CLEC16A: variants seen among roughly 807,000 people sequenced by gnomAD.
CLEC16A encodes the protein C-type lectin domain containing 16A.
Under a neutral mutation model 109.5 loss-of-function variants are expected in CLEC16A, and 51 were observed. The ratio of observed to expected loss-of-function variants is 0.47; its 90% CI spans 0.37 to 0.59. CLEC16A has a LOEUF of 0.59. CLEC16A is among the 20% of genes least tolerant of loss of function. CLEC16A has a pLI of 0.00. For missense variants in CLEC16A, 1,339 were observed against 1,394.0 expected (o/e 0.96, Z 0.63); for synonymous variants, 673 against 564.2 (o/e 1.19, Z -2.73).
intron 13 of CLEC16A, chr16:11,027,186 T>A: frequency 7.2e-7 from 1 of 1,392,992 alleles, no homozygotes; most frequent in Non-Finnish European, 1.0e-6. Context: ...ACTGGAATCA[T>A]TCCTACATGA....
chr16:11,125,872 A>G, intron 21 of CLEC16A, 107 bp from the exon 22 acceptor site: 3 of 916,464 alleles, frequency 3.3e-6, no homozygotes, highest in South Asian at 1.5e-5. Flanking sequence ...CTCCCAAGTG[A>G]TGTGCCTGGC....
intron 22 of CLEC16A, among the ~76,000 whole-genome samples, chr16:11,147,223 A>G (rs1352213573): frequency 6.6e-6 from 1 of 152,158 alleles, no homozygotes; most frequent in Non-Finnish European, 1.5e-5. Context: ...CCCCTTTGTC[A>G]TCAATTTCCG....
intron 11 of CLEC16A, among the ~76,000 whole-genome samples, chr16:11,005,657 T>A (rs1194666848): frequency 6.6e-6 from 1 of 152,210 alleles, no homozygotes; most frequent in Non-Finnish European, 1.5e-5. Context: ...TTTGCTCTCT[T>A]GATTATTTGT....
chr16:11,015,836 A>G (rs889387713), intron 11 of CLEC16A, among the ~76,000 whole-genome samples: 16 of 152,214 alleles, frequency 1.1e-4, no homozygotes, highest in African/African-American at 3.9e-4. Flanking sequence ...TGTGTCAACC[A>G]AGCAGGGCAG....
rs751893865 is a variant in CLEC16A, at chr16:11,126,130, G to A, written c.2625G>A (p.Ser875=). 5.0e-6 allele frequency: 8 copies of A among 1,613,702 alleles called. No individual in the cohort carries two copies. Among genetic ancestry groups the A allele is most frequent in the South Asian group, 1.1e-5 (1 of 91,068 alleles). The change falls in exon 22 of 24, where the codon TCG becomes TCA. Residue 875 remains serine (S), a synonymous_variant. Transcript: ENST00000409790. ...CAGTGCAGCGCTCCGTGTTTGCATCGGTGGACAAGGTGCCAGGTGAGCCAG... is the reference window on the plus strand; with the variant it reads ...CAGTGCAGCGCTCCGTGTTTGCATCAGTGGACAAGGTGCCAGGTGAGCCAG... ...DPTVQRSVFA[S]VDKVPGFAVA...
intron 23 of CLEC16A, among the ~76,000 whole-genome samples, chr16:11,169,264 T>A (rs2068403504): frequency 6.6e-6 from 1 of 152,096 alleles, no homozygotes; most frequent in African/African-American, 2.4e-5. Context: ...CCCAGTGGCT[T>A]CTTTGCCATT....
chr16:11,086,645 C>T (rs1243044162), intron 19 of CLEC16A, among the ~76,000 whole-genome samples: 1 of 152,148 alleles, frequency 6.6e-6, no homozygotes, highest in Non-Finnish European at 1.5e-5. Flanking sequence ...CAGGTTCAAG[C>T]GATTCTCCTG....
At chr16:11,141,578 G>A (rs538336775) in intron 22 of CLEC16A, among the ~76,000 whole-genome samples, 24 of 152,360 alleles carry the variant, frequency 1.6e-4, no homozygotes, top group East Asian at 1.2e-3. Context: ...TCGGGGCCGC[G>A]AAGCAGGGAA....
chr16:11,018,462 A>G (rs1179775937), intron 11 of CLEC16A, among the ~76,000 whole-genome samples: 1 of 151,862 alleles, frequency 6.6e-6, no homozygotes, highest in Non-Finnish European at 1.5e-5. Context: ...GATAGAAACA[A>G]GCTTGGGCCA....
At chr16:10,993,980 G>T (rs962836632) in intron 10 of CLEC16A, among the ~76,000 whole-genome samples, 3 of 152,238 alleles carry the variant, frequency 2.0e-5, no homozygotes, top group African/African-American at 7.2e-5. Flanking sequence ...CACTTTCCAA[G>T]AGGAAATTGC....
At chr16:11,050,362 G>A (rs771174231) in intron 17 of CLEC16A, among the ~76,000 whole-genome samples, 3 of 152,184 alleles carry the variant, frequency 2.0e-5, no homozygotes, top group African/African-American at 7.2e-5. Flanking sequence ...CAGGTATCTG[G>A]GCCACTGAGC....
intron 19 of CLEC16A, among the ~76,000 whole-genome samples, chr16:11,067,446 G>T (rs1021650570): frequency 1.3e-5 from 2 of 152,026 alleles, no homozygotes; most frequent in African/African-American, 4.8e-5. Flanking sequence ...AAGTGGCGCA[G>T]AAGAAGCAAA....
intron 17 of CLEC16A, among the ~76,000 whole-genome samples, chr16:11,049,893 G>T (rs1215945594): frequency 6.6e-6 from 1 of 152,206 alleles, no homozygotes; most frequent in African/African-American, 2.4e-5. Flanking sequence ...TGGAGTGGGG[G>T]ACCTCAGGCT....
Position 11,023,729 on chromosome 16 carries a change from C to A in CLEC16A, c.1437-1092C>A, listed in dbSNP as rs1157601940. 2.6e-5 allele frequency among the ~76,000 whole-genome samples: 4 copies of A among 152,126 alleles called. No homozygotes were observed. In the East Asian group the frequency reaches 7.7e-4, roughly 29 times the overall value. ...GAACACTCCCTGTTTCTCCCCAGTC[C>A]CCTTTCACTCCCCGTAGGCATCCAA... On this transcript the variant is annotated intron_variant, in intron 12 of 23. Coordinates refer to ENST00000409790, the MANE Select transcript of CLEC16A (RefSeq NM_015226.3).
intron 19 of CLEC16A, among the ~76,000 whole-genome samples, chr16:11,111,885 G>A (rs1183108152): frequency 6.6e-6 from 1 of 152,220 alleles, no homozygotes; most frequent in East Asian, 1.9e-4. Flanking sequence ...GAATACAAAT[G>A]TTTTAGAAAA....
chr16:11,009,527 C>A (rs2045267485), intron 11 of CLEC16A, among the ~76,000 whole-genome samples: 1 of 152,178 alleles, frequency 6.6e-6, no homozygotes, highest in Non-Finnish European at 1.5e-5. Flanking sequence ...AGCTTTGCAG[C>A]CTCATGAGCT....
At chr16:10,972,457 C>T (rs2042838790) in intron 5 of CLEC16A, 97 bp from the exon 6 acceptor site, 3 of 1,086,334 alleles carry the variant, frequency 2.8e-6, no homozygotes, top group Admixed American at 1.9e-5. Context: ...CTCTCTCCCT[C>T]TGAGCAGCTC....
chr16:11,131,931 C>T (rs1405091274), intron 22 of CLEC16A, among the ~76,000 whole-genome samples: 11 of 152,212 alleles, frequency 7.2e-5, no homozygotes, highest in Non-Finnish European at 5.9e-5. Context: ...CCTCTGTTTT[C>T]GTGCTTCCCT....
intron 22 of CLEC16A, among the ~76,000 whole-genome samples, chr16:11,138,362 C>A (rs77011354): frequency 0.032 from 4,854 of 152,194 alleles, 118 homozygotes; most frequent in African/African-American, 0.064. Flanking sequence ...TCAGCAGGGC[C>A]CGATAGCAAA....
Sources: allele counts gnomAD v4.1 joint callset (sites outside exome capture counted in the v4.1 genomes callset), GRCh38; gene constraint gnomAD v4.1.1; transcripts MANE v1.5; gene names NCBI Gene and HGNC (gene_info 2026-07-23, HGNC 2026-07-21).